BCL2L13: variants seen among roughly 807,000 people sequenced by gnomAD.
BCL2L13 encodes BCL2 like 13.
In BCL2L13, 13 loss-of-function variants were observed where a neutral mutation model predicts 25.8. The ratio of observed to expected loss-of-function variants is 0.50; its 90% CI spans 0.33 to 0.80. BCL2L13 has a LOEUF of 0.80. Ranked by LOEUF, BCL2L13 falls within the 30% of genes least tolerant of loss-of-function variation. The pLI is 0.02. For synonymous variants in BCL2L13, 244 were observed against 230.3 expected (o/e 1.06, Z -0.54); for missense variants, 504 against 574.9 (o/e 0.88, Z 1.26).
intron 4 of BCL2L13, among the ~76,000 whole-genome samples, chr22:17,690,380 G>A (rs978000108): frequency 2.0e-5 from 3 of 152,036 alleles, no homozygotes; most frequent in Admixed American, 6.6e-5. Flanking sequence ...ATCGATTACC[G>A]TTTGTTAGAA....
chr22:17,674,481 C>A (rs1346488760), intron 2 of BCL2L13, among the ~76,000 whole-genome samples: 1 of 151,940 alleles, frequency 6.6e-6, no homozygotes, highest in Non-Finnish European at 1.5e-5. Context: ...TTCCGGGCGC[C>A]TGTAATCCCA....
chr22:17,643,834 C>T (rs1463284683), intron 1 of BCL2L13, among the ~76,000 whole-genome samples: 1 of 151,758 alleles, frequency 6.6e-6, no homozygotes, highest in East Asian at 1.9e-4. Flanking sequence ...AGGATGGTCT[C>T]GATCTCCTGA....
chr22:17,630,994 A>G (rs1215650712), intron 1 of BCL2L13, among the ~76,000 whole-genome samples: 2 of 151,972 alleles, frequency 1.3e-5, no homozygotes, highest in Non-Finnish European at 2.9e-5. Context: ...CACTTACTGC[A>G]TTAGTGATCA....
intron 1 of BCL2L13, among the ~76,000 whole-genome samples, chr22:17,640,886 A>G (rs1201856215): frequency 3.7e-5 from 2 of 54,052 alleles, no homozygotes; most frequent in East Asian, 1.3e-3. Context: ...AATTTTTTAT[A>G]TATATATATA....
intron 6 of BCL2L13, chr22:17,706,784 AGTCT>A (rs767752453): frequency 4.2e-5 from 57 of 1,351,952 alleles, no homozygotes; most frequent in Admixed American, 4.0e-4. Flanking sequence ...CTACGTTAGA[AGTCT>A]GTCTGTCTCC....
chr22:17,717,210 A>G (rs2535675), intron 6 of BCL2L13, among the ~76,000 whole-genome samples: 51,588 of 151,340 alleles, frequency 0.34, 9,637 homozygotes, highest in African/African-American at 0.45. Flanking sequence ...GCTCACACCT[A>G]TAATCCCAGC....
intron 2 of BCL2L13, among the ~76,000 whole-genome samples, chr22:17,662,342 G>A (rs2059097657): frequency 6.6e-6 from 1 of 152,136 alleles, no homozygotes; most frequent in African/African-American, 2.4e-5. Context: ...GCCAGGCATG[G>A]TGGCAGGTGC....
At chr22:17,694,228 A>T (rs1329032622) in intron 4 of BCL2L13, among the ~76,000 whole-genome samples, 1 of 150,846 alleles carries the variant, frequency 6.6e-6, no homozygotes, top group African/African-American at 2.5e-5. Context: ...AAATTTATGC[A>T]TGAAACCGTG....
intron 5 of BCL2L13, among the ~76,000 whole-genome samples, chr22:17,700,204 G>C (rs1430473021): frequency 2.0e-5 from 3 of 152,162 alleles, no homozygotes; most frequent in Non-Finnish European, 4.4e-5. Flanking sequence ...GGATCACTTT[G>C]CATTGCAATG....
Position 17,698,094 on chromosome 22 carries a change from G to A in BCL2L13, c.456+1884G>A, listed in dbSNP as rs574444048. ...ATCTCCCAAATTGCTGGGATTACAAGTGTGAGCCACTGTGCCTGGCCTTTT... is the reference window on the plus strand; with the variant it reads ...ATCTCCCAAATTGCTGGGATTACAAATGTGAGCCACTGTGCCTGGCCTTTT... On this transcript the variant is annotated intron_variant, in intron 5 of 6. Coordinates refer to ENST00000317582, the MANE Select transcript of BCL2L13 (RefSeq NM_015367.4). Among the ~76,000 whole-genome samples the A allele has an allele frequency of 3.2e-3, 484 of 151,270 alleles. 6 individuals are homozygous for A. Among genetic ancestry groups the A allele is most frequent in the African/African-American group, 0.011 (449 of 41,242 alleles).
In BCL2L13 at chr22:17,645,834, C is replaced by T. The variant is rs1430031341; in HGVS notation, c.-51+6948C>T. ...AGCAACCACAGTTGGCCCTCTTTAT[C>T]CAGTTTCCATATCTCTGCAGATTCC... On this transcript the variant is annotated intron_variant, in intron 1 of 6. Coordinates refer to ENST00000317582, the MANE Select transcript of BCL2L13 (RefSeq NM_015367.4). Among the ~76,000 whole-genome samples, 3 of 151,358 alleles carry T rather than the reference C, an allele frequency of 2.0e-5. No individual in the cohort carries two copies. The East Asian group carries it at 5.8e-4, about 29-fold the overall frequency.
At position 17,655,787 on chromosome 22, in the gene BCL2L13, C is replaced by T. The variant is rs1290734862; in HGVS notation, c.76C>T (p.Leu26Phe). Residue 26 changes from leucine to phenylalanine, a missense_variant, in exon 2 of 7, where the codon CTC (leucine) becomes TTC (phenylalanine). Physicochemically the swap from Leu to Phe is conservative, Grantham distance 22. Coordinates refer to ENST00000317582, the MANE Select transcript of BCL2L13 (RefSeq NM_015367.4). ...KYVVLSYLGL[L>F]SQEKLQEQHL... Reference sequence around the variant, plus strand: ...TGTTGTTCTCAGCTACTTGGGACTCCTCTCTCAAGAGAAGCTGCAAGAGCA... The same window carrying T: ...TGTTGTTCTCAGCTACTTGGGACTCTTCTCTCAAGAGAAGCTGCAAGAGCA... 1.9e-6 allele frequency: 3 copies of T among 1,613,712 alleles called. No homozygotes were observed. The highest frequency in any genetic ancestry group is 2.2e-5 in the East Asian group (1 of 44,850).
At position 17,729,128 on chromosome 22, in the gene BCL2L13, C is replaced by T. The variant is rs1481237610; in HGVS notation, c.*1594C>T. 6.6e-6 allele frequency: 1 copy of T among 152,204 alleles called. No homozygotes were observed. The highest frequency in any genetic ancestry group is 2.4e-5 in the African/African-American group (1 of 41,444). The allele number at this position is 152,204 out of a possible 1,614,324, so 9.4% of individuals were successfully genotyped here. A position where few individuals can be genotyped will look rare whatever the true frequency, so the allele number is the denominator to read the frequency against. ...TTATAATAAAAATACTTTACCTACC[C>T]TGATCACCAAAACCTGATGTTTTAA... On this transcript the variant is annotated 3_prime_UTR_variant, in exon 7 of 7. Transcript: ENST00000317582.
chr22:17,681,909 A>C (rs143612258), intron 2 of BCL2L13, among the ~76,000 whole-genome samples: 1 of 152,124 alleles, frequency 6.6e-6, no homozygotes, highest in Admixed American at 6.6e-5. Flanking sequence ...GATAATAGTA[A>C]TACCTATCTC....
At chr22:17,722,378 G>GCGTGTGTGT (rs1491171137) in intron 6 of BCL2L13, among the ~76,000 whole-genome samples, 11,317 of 121,976 alleles carry the variant, frequency 0.093, 691 homozygotes, top group Non-Finnish European at 0.12. Flanking sequence ...AGACTACAGG[G>GCGTGTGTGT]GTGTGTGTGT....
intron 6 of BCL2L13, among the ~76,000 whole-genome samples, chr22:17,715,107 A>G (rs1255018440): frequency 1.6e-5 from 2 of 123,760 alleles, no homozygotes; most frequent in Non-Finnish European, 3.3e-5. Context: ...GTTTCCAAAG[A>G]CTTCAGTGTT....
intron 5 of BCL2L13, among the ~76,000 whole-genome samples, chr22:17,701,449 G>A (rs556012601): frequency 2.1e-4 from 32 of 152,214 alleles, no homozygotes; most frequent in Admixed American, 3.3e-4. Flanking sequence ...ATATATATAT[G>A]TGTATATGTT....
chr22:17,727,516 G>A lies in BCL2L13; in HGVS notation c.1440G>A (p.Leu480=). Residue 480 remains leucine, a synonymous_variant, in exon 7 of 7, where the codon CTG becomes CTA. Transcript: ENST00000317582. The part of the protein sequence containing the change: ...AILAVAIGVA[L]ALRKK ...TGGCAGTGGCCATCGGGGTAGCCCTGGCTCTGAGAAAGAAATAGGAGGCTT... is the reference window on the plus strand; with the variant it reads ...TGGCAGTGGCCATCGGGGTAGCCCTAGCTCTGAGAAAGAAATAGGAGGCTT... 6 of 1,614,058 alleles carry A rather than the reference G, an allele frequency of 3.7e-6. No individual in the cohort carries two copies. Among genetic ancestry groups the A allele is most frequent in the Non-Finnish European group, 5.1e-6 (6 of 1,179,930 alleles).
chr22:17,685,699 T>TG (rs1447360769), intron 3 of BCL2L13, among the ~76,000 whole-genome samples: 4 of 151,810 alleles, frequency 2.6e-5, no homozygotes, highest in African/African-American at 9.7e-5. Flanking sequence ...ATAATGCTGC[T>TG]GTGAATATTC....
Sources: gnomAD v4.1 joint callset for allele counts (sites outside exome capture counted in the v4.1 genomes callset) on GRCh38, gnomAD v4.1.1 for gene constraint, MANE v1.5 for transcripts, NCBI Gene and HGNC (gene_info 2026-07-23, HGNC 2026-07-21) for gene names.